Variants in KIAA0319L observed in about 807,000 individuals in gnomAD.
The protein encoded by KIAA0319L is KIAA0319 like.
Under a neutral mutation model 120.1 loss-of-function variants are expected in KIAA0319L, and 55 were observed. The observed-to-expected ratio is 0.46, with a 90% confidence interval of 0.37 to 0.57. KIAA0319L has a LOEUF of 0.57. Ranked by LOEUF, KIAA0319L falls within the 20% of genes least tolerant of loss-of-function variation. The pLI is 0.00. For missense variants in KIAA0319L, 1,049 were observed against 1,255.3 expected, an observed-to-expected ratio of 0.84 and a Z score of 2.48; for synonymous variants, 398 against 471.9, an observed-to-expected ratio of 0.84 and a Z score of 2.03.
intron 2 of KIAA0319L, among the ~76,000 whole-genome samples, chr1:35,515,796 G>A (rs1240909008): frequency 6.6e-6 from 1 of 151,606 alleles, no homozygotes; most frequent in Non-Finnish European, 1.5e-5. Flanking sequence ...AATAAGATAG[G>A]CCACTAACTA....
intron 3 of KIAA0319L, among the ~76,000 whole-genome samples, chr1:35,492,603 A>G (rs555061796): frequency 9.2e-5 from 14 of 152,240 alleles, no homozygotes; most frequent in Admixed American, 8.5e-4. Context: ...TTAACATTTG[A>G]AATCAATCAT....
At chr1:35,450,334 C>G in intron 14 of KIAA0319L, 24 bp downstream of exon 14, 1 of 1,603,110 alleles carries the variant, frequency 6.2e-7, no homozygotes, top group South Asian at 1.1e-5. Context: ...TCCTGTGTAG[C>G]TCTCCAGCTC....
intron 4 of KIAA0319L, among the ~76,000 whole-genome samples, chr1:35,477,159 G>A (rs1643924111): frequency 1.3e-5 from 2 of 151,966 alleles, no homozygotes; most frequent in South Asian, 4.1e-4. Flanking sequence ...CCACAGAATG[G>A]GAGAAAATAT....
Position 35,554,396 on chromosome 1 carries a change from G to A in KIAA0319L, c.96C>T (p.Tyr32=). 6.2e-7 allele frequency: 1 copy of A among 1,613,036 alleles called. No individual in the cohort carries two copies. The highest frequency in any genetic ancestry group is 8.5e-7 in the Non-Finnish European group (1 of 1,179,682). The change falls in exon 2 of 21, where the codon TAC becomes TAT. Residue 32 remains tyrosine (Y), a synonymous_variant. Transcript: ENST00000325722. ...QTSAKWLRSL[Y]LFYTCFCFSV... is the part of the protein sequence containing the mutation. ...TGAAGCAAAAGCAAGTATAAAACAG[G>A]TACAGGCTTCTCAACCACTTCGCAG...
chr1:35,442,087 G>T (rs909931106), intron 19 of KIAA0319L, among the ~76,000 whole-genome samples, 159 bp downstream of exon 19: 1 of 151,982 alleles, frequency 6.6e-6, no homozygotes, highest in African/African-American at 2.4e-5. Flanking sequence ...GTCTCAGGGT[G>T]AGCAAAGCTG....
At chr1:35,503,989 G>A (rs543175453) in intron 3 of KIAA0319L, among the ~76,000 whole-genome samples, 5 of 148,550 alleles carry the variant, frequency 3.4e-5, no homozygotes, top group African/African-American at 5.0e-5. Context: ...GGGTTCAAGC[G>A]ATTCTCATGC....
At chr1:35,435,196 C>A in intron 20 of KIAA0319L, 115 bp from the exon 21 acceptor site, 2 of 938,142 alleles carry the variant, frequency 2.1e-6, no homozygotes, top group South Asian at 1.6e-5. Flanking sequence ...AGGCTCCTCT[C>A]CAGGCTGGGA....
intron 5 of KIAA0319L, among the ~76,000 whole-genome samples, chr1:35,474,472 AAG>A (rs1295550928): frequency 2.0e-5 from 3 of 152,244 alleles, no homozygotes; most frequent in Admixed American, 2.0e-4. Context: ...AATCCATTTT[AAG>A]AGAAAGAAAC....
chr1:35,470,774 A>C, intron 6 of KIAA0319L, 89 bp downstream of exon 6: 1 of 825,928 alleles, frequency 1.2e-6, no homozygotes, highest in South Asian at 1.4e-5. Context: ...TTTACAACTT[A>C]AGTGTAGACA....
chr1:35,522,235 T>C (rs1393537651), intron 2 of KIAA0319L, among the ~76,000 whole-genome samples: 1 of 152,108 alleles, frequency 6.6e-6, no homozygotes, highest in Non-Finnish European at 1.5e-5. Flanking sequence ...AAGATGAAAG[T>C]AGGAGACTTA....
At chr1:35,551,917 A>C (rs1381270696) in intron 2 of KIAA0319L, among the ~76,000 whole-genome samples, 1 of 152,220 alleles carries the variant, frequency 6.6e-6, no homozygotes, top group Admixed American at 6.5e-5. Context: ...AGACTTGCAC[A>C]ATGAGCCTAC....
At chr1:35,526,022 G>C (rs1184381141) in intron 2 of KIAA0319L, among the ~76,000 whole-genome samples, 1 of 152,082 alleles carries the variant, frequency 6.6e-6, no homozygotes, top group East Asian at 1.9e-4. Flanking sequence ...TATGATGACA[G>C]ACAGGGGCTC....
At chr1:35,552,359 T>C (rs1255866651) in intron 2 of KIAA0319L, among the ~76,000 whole-genome samples, 1 of 151,914 alleles carries the variant, frequency 6.6e-6, no homozygotes, top group Non-Finnish European at 1.5e-5. Context: ...AAAAAAACCT[T>C]TGGTCCTCCA....
Position 35,442,347 on chromosome 1 carries a change from A to G in KIAA0319L, c.2780-11T>C, listed in dbSNP as rs1248336112. 3 of 1,607,466 alleles carry G rather than the reference A, an allele frequency of 1.9e-6. No individual in the cohort carries two copies. The highest frequency in any genetic ancestry group is 2.6e-6 in the Non-Finnish European group (3 of 1,174,070). On this transcript the variant is annotated splice_polypyrimidine_tract_variant and intron_variant, in intron 18 of 20. Coordinates refer to ENST00000325722, the MANE Select transcript of KIAA0319L (RefSeq NM_024874.5). Reference sequence around the variant, plus strand: ...ATAACACGCTCCACTCTGCCAAGAAAATCAAAATGGTGAGGGCTGTGGAGG... The same window carrying G: ...ATAACACGCTCCACTCTGCCAAGAAGATCAAAATGGTGAGGGCTGTGGAGG...
At chr1:35,521,808 TA>T (rs1430662075) in intron 2 of KIAA0319L, among the ~76,000 whole-genome samples, 8 of 149,752 alleles carry the variant, frequency 5.3e-5, no homozygotes, top group Non-Finnish European at 8.9e-5. Context: ...CCGTCTCTAC[TA>T]AAAAATACAA....
chr1:35,476,132 T>C (rs1643891169), intron 4 of KIAA0319L, among the ~76,000 whole-genome samples: 1 of 152,238 alleles, frequency 6.6e-6, no homozygotes, highest in Non-Finnish European at 1.5e-5. Context: ...CTTTATACTA[T>C]TCACCAGCTA....
chr1:35,440,867 G>A (rs1246913118), intron 20 of KIAA0319L, 180 bp downstream of exon 20: 2 of 636,432 alleles, frequency 3.1e-6, no homozygotes, highest in South Asian at 3.9e-5. Flanking sequence ...GGGTCCTGGA[G>A]GCATTTTGTC....
rs1640849136 is a variant in KIAA0319L at position 35,437,066 on chromosome 1, C to T, written c.2963-1985G>A. On this transcript the variant is annotated intron_variant, in intron 20 of 20. Coordinates refer to ENST00000325722, the MANE Select transcript of KIAA0319L (RefSeq NM_024874.5). The surrounding 1 kb of genome is among the most constrained non-coding windows in gnomAD (Gnocchi z 4.1). ...GAACCTGAGCGGGCTCTCCCAGCTC[C>T]CTTCGGTAGACACTGCCCACAAGAG... 6.6e-6 allele frequency among the ~76,000 whole-genome samples: 1 copy of T among 152,192 alleles called. No individual in the cohort carries two copies. Among genetic ancestry groups the T allele is most frequent in the East Asian group, 1.9e-4 (1 of 5,188 alleles).
intron 7 of KIAA0319L, among the ~76,000 whole-genome samples, chr1:35,465,591 C>T (rs771590592): frequency 7.9e-5 from 12 of 152,116 alleles, no homozygotes; most frequent in Non-Finnish European, 8.8e-5. Flanking sequence ...AATGCTGAAA[C>T]GAGTTAAGAC....
Sources: gnomAD v4.1 joint callset for allele counts (sites outside exome capture counted in the v4.1 genomes callset) on GRCh38, gnomAD v4.1.1 for gene constraint, Gnocchi (gnomAD v3.1) non-coding constraint, MANE v1.5 for transcripts, NCBI Gene and HGNC (gene_info 2026-07-23, HGNC 2026-07-21) for gene names.